The following TRAF3IP2 variants were observed in gnomAD, a reference collection of about 807,000 sequenced individuals.
TRAF3IP2 encodes E3 ubiquitin ligase TRAF3IP2.
Under a neutral mutation model 57.9 loss-of-function variants are expected in TRAF3IP2, and 35 were observed. That is an observed-to-expected ratio of 0.60 (90% CI 0.46 to 0.80). The LOEUF is 0.80. Among genes scored for constraint, TRAF3IP2 ranks in the 30% least tolerant of loss-of-function variants. TRAF3IP2 has a pLI of 0.00. For missense variants in TRAF3IP2, 556 were observed against 706.4 expected, an observed-to-expected ratio of 0.79 and a Z score of 2.41; for synonymous variants, 251 against 268.9, an observed-to-expected ratio of 0.93 and a Z score of 0.65.
chr6:111,585,608 A>G (rs1796303893), intron 2 of TRAF3IP2, among the ~76,000 whole-genome samples: 1 of 152,174 alleles, frequency 6.6e-6, no homozygotes, highest in African/African-American at 2.4e-5. Context: ...TTAGTGTGTG[A>G]GAAGGGGAGA....
intron 1 of TRAF3IP2, chr6:111,601,792 T>C (rs1796873971): frequency 1.3e-5 from 2 of 152,190 alleles, no homozygotes. Flanking sequence ...AATTACAAGA[T>C]TCCCAAGGCC....
rs1796114448 is a variant in TRAF3IP2, at chr6:111,580,297, G to A, written c.922C>T (p.His308Tyr). Residue 308 changes from histidine (H) to tyrosine (Y), a missense_variant, in exon 3 of 9, where the codon CAC becomes TAC. Around this residue, in one of 2 missense-constraint regions of TRAF3IP2, gnomAD observed 428 missense variants for 498.7 expected, o/e 0.86. Transcript: ENST00000368761. ...PLPGASVRGL[H>Y]PVQKVILNYP... ...TTCAGGATAACCTTCTGCACAGGGTGCAGGCCTCTCACACTGGCTCCAGGC... is the reference window on the plus strand; with the variant it reads ...TTCAGGATAACCTTCTGCACAGGGTACAGGCCTCTCACACTGGCTCCAGGC... 1 of 1,612,312 alleles carries A rather than the reference G, an allele frequency of 6.2e-7. No individual in the cohort carries two copies. The highest frequency in any genetic ancestry group is 8.5e-7 in the Non-Finnish European group (1 of 1,179,516).
chr6:111,586,427 G>A (rs377746285), intron 2 of TRAF3IP2, among the ~76,000 whole-genome samples: 5 of 152,232 alleles, frequency 3.3e-5, no homozygotes, highest in East Asian at 1.9e-4. Flanking sequence ...CCATGCTGGC[G>A]ACCTTCAGTG....
intron 6 of TRAF3IP2, 177 bp downstream of exon 6, chr6:111,567,447 G>A: frequency 1.5e-6 from 2 of 1,323,736 alleles, no homozygotes. Flanking sequence ...TGTCCAAGAG[G>A]GCGACTCCGT....
intron 1 of TRAF3IP2, chr6:111,601,483 C>T (rs1009286356): frequency 8.6e-6 from 3 of 348,568 alleles, no homozygotes; most frequent in East Asian, 4.3e-5. Flanking sequence ...AAGGCAAGGA[C>T]GGATGGGATT....
At position 111,556,129 on chromosome 6, in the gene TRAF3IP2, A is replaced by ATGT. The variant is rs1795232766; in HGVS notation, c.*3273_*3275dup. ...AAAAAAAAAAAAAAAAAATGCTTTG[A>ATGT]TGTTGGTGGTCATCGGATCTCATAG... On this transcript the variant is annotated 3_prime_UTR_variant, in exon 9 of 9. Transcript: ENST00000368761. 1.3e-5 allele frequency among the ~76,000 whole-genome samples: 2 copies of ATGT among 148,874 alleles called. No individual in the cohort carries two copies. The highest frequency in any genetic ancestry group is 6.7e-5 in the Admixed American group (1 of 14,950).
chr6:111,572,419 A>T (rs938188969), intron 5 of TRAF3IP2, among the ~76,000 whole-genome samples: 1 of 152,202 alleles, frequency 6.6e-6, no homozygotes, highest in Admixed American at 6.5e-5. Flanking sequence ...GCTGTGCGCA[A>T]TGGGGGATTC....
At chr6:111,594,657 G>A (rs969202300) in intron 1 of TRAF3IP2, 1 of 325,750 alleles carries the variant, frequency 3.1e-6, no homozygotes, top group Non-Finnish European at 6.1e-6. Flanking sequence ...GCTCACACCT[G>A]TAACCCCAGC....
rs577522109 is a variant in TRAF3IP2 at position 111,595,146 on chromosome 6, C to T, written c.-8-3052G>A. Among the ~76,000 whole-genome samples the T allele has an allele frequency of 3.9e-5, 6 of 152,152 alleles. No individual in the cohort carries two copies. In the East Asian group the frequency reaches 9.7e-4, roughly 25 times the overall value. The stretch of plus-strand genomic sequence containing the variant: ...ACTTGGGAGACTGAGGCTGAAGAAT[C>T]GATTAAGCCTGGGAGGCGGAGGTTG... On this transcript the variant is annotated intron_variant, in intron 1 of 8. Transcript: ENST00000368761.
At position 111,591,855 on chromosome 6, in the gene TRAF3IP2, G is replaced by A. The variant is rs73764462; in HGVS notation, c.232C>T (p.Arg78Trp). The A allele has an allele frequency of 1.1e-5, 18 of 1,614,198 alleles. No individual in the cohort carries two copies. The highest frequency in any genetic ancestry group is 2.7e-5 in the African/African-American group (2 of 75,044). ...TGAGTGCGCAGGCAGGTGACCTGCC[G>A]GGATACAGGCCGCTGGTGATTTGCA... ...KLANHQRPVS[R>W]QVTCLRTQVL... The change falls in exon 2 of 9, where the codon CGG becomes TGG. Residue 78 changes from arginine to tryptophan, a missense_variant. Arg to Trp is a moderately radical substitution (Grantham distance 101). Transcript: ENST00000368761. The surrounding 1 kb of genome is among the most constrained non-coding windows in gnomAD (Gnocchi z 4.9).
intron 2 of TRAF3IP2, chr6:111,586,979 T>C (rs1796356939): frequency 6.6e-6 from 1 of 152,156 alleles, no homozygotes; most frequent in Non-Finnish European, 1.5e-5. Context: ...CATTATCTCA[T>C]TTAATCCTCA....
intron 5 of TRAF3IP2, 92 bp downstream of exon 5, chr6:111,572,803 C>T (rs1215262271): frequency 9.6e-6 from 9 of 935,912 alleles, no homozygotes; most frequent in Non-Finnish European, 1.5e-5. Context: ...TCATTTAAAA[C>T]ACCAACAGCT....
rs1289673534 is a variant in TRAF3IP2 at position 111,562,855 on chromosome 6, A to AG, written c.1551+109_1551+110insC. 3.4e-3 allele frequency: 2,713 copies of AG among 809,850 alleles called. 1 individual carries two copies. The highest frequency in any genetic ancestry group is 4.1e-3 in the Non-Finnish European group (2,147 of 528,364). 50.2% of individuals were successfully genotyped at this position (809,850 alleles called of 1,614,324 possible). A position where few individuals can be genotyped will look rare whatever the true frequency, so the allele number is the denominator to read the frequency against. On this transcript the variant is annotated intron_variant, in intron 8 of 8. Transcript: ENST00000368761. ...GCGAGACTCCATCTCAAAAAAAAAA[A>AG]AAAAGAAAAGAAAGAAAAAAAGAAT...
At chr6:111,587,354 C>A (rs2128380626) in intron 2 of TRAF3IP2, among the ~76,000 whole-genome samples, 1 of 152,236 alleles carries the variant, frequency 6.6e-6, no homozygotes, top group Middle Eastern at 3.4e-3. Context: ...CTTCCGGGTT[C>A]AAGTGATTCT....
intron 8 of TRAF3IP2, 130 bp downstream of exon 8, chr6:111,562,835 A>T: frequency 2.9e-6 from 2 of 696,540 alleles, no homozygotes; most frequent in Non-Finnish European, 4.7e-6. Flanking sequence ...ACACAGCGAG[A>T]CTCCATCTCA....
At chr6:111,595,588 G>A (rs1432141395) in intron 1 of TRAF3IP2, among the ~76,000 whole-genome samples, 4 of 152,146 alleles carry the variant, frequency 2.6e-5, no homozygotes, top group Non-Finnish European at 4.4e-5. Flanking sequence ...CCAGCACTTT[G>A]GGAGGCCAAG....
chr6:111,567,279 C>A, intron 6 of TRAF3IP2: 12 of 1,041,940 alleles, frequency 1.2e-5, no homozygotes, highest in Non-Finnish European at 1.4e-5. Flanking sequence ...CCCAATTCTA[C>A]AAAACACTTG....
chr6:111,597,364 C>T (rs1236477469), intron 1 of TRAF3IP2, among the ~76,000 whole-genome samples: 1 of 152,178 alleles, frequency 6.6e-6, no homozygotes, highest in Non-Finnish European at 1.5e-5. Context: ...GTCTTTGTGC[C>T]TCTGCAGAGC....
chr6:111,581,412 C>A (rs1216417700), intron 2 of TRAF3IP2, among the ~76,000 whole-genome samples: 1 of 152,100 alleles, frequency 6.6e-6, no homozygotes, highest in Non-Finnish European at 1.5e-5. Flanking sequence ...GTAAGACGAT[C>A]CAGGAGGAGG....
Sources: gnomAD v4.1 joint callset for allele counts (sites outside exome capture counted in the v4.1 genomes callset) on GRCh38, gnomAD v4.1.1 for gene constraint, gnomAD v4.1.1 regional missense constraint, Gnocchi (gnomAD v3.1) non-coding constraint, MANE v1.5 for transcripts, NCBI Gene and HGNC (gene_info 2026-07-23, HGNC 2026-07-21) for gene names.